Variants in MACROD2 observed in about 807,000 individuals in gnomAD.
MACROD2 encodes the protein mono-ADP ribosylhydrolase 2.
MACROD2 carries 36 observed loss-of-function variants against 70.4 expected under a neutral mutation model. The observed-to-expected ratio is 0.51, with a 90% CI of 0.39 to 0.68. The LOEUF is 0.68. MACROD2 is among the 30% of genes least tolerant of loss of function. MACROD2 has a pLI of 0.00. For synonymous variants in MACROD2, 172 were observed against 178.8 expected, an observed-to-expected ratio of 0.96 and a Z score of 0.30; for missense variants, 496 against 538.4, an observed-to-expected ratio of 0.92 and a Z score of 0.78.
chr20:16,013,070 C>T (rs1046669026), intron 15 of MACROD2, among the ~76,000 whole-genome samples: 2 of 152,056 alleles, frequency 1.3e-5, no homozygotes, highest in Non-Finnish European at 2.9e-5. Context: ...GTCCCAGCTA[C>T]TTGGGAGGCT....
At chr20:15,170,054 C>T (rs1299746282) in intron 5 of MACROD2, among the ~76,000 whole-genome samples, 1 of 152,160 alleles carries the variant, frequency 6.6e-6, no homozygotes, top group Non-Finnish European at 1.5e-5. Flanking sequence ...CCTTACAAGC[C>T]AGATGGTAAT....
intron 4 of MACROD2, among the ~76,000 whole-genome samples, chr20:14,583,410 A>G (rs560714838): frequency 3.9e-5 from 6 of 152,170 alleles, no homozygotes; most frequent in Non-Finnish European, 7.4e-5. Context: ...TTTTCTCAGC[A>G]GGTCCCAATG....
At chr20:15,799,530 G>A (rs924276620) in intron 8 of MACROD2, among the ~76,000 whole-genome samples, 6 of 152,092 alleles carry the variant, frequency 3.9e-5, no homozygotes, top group African/African-American at 1.4e-4. Flanking sequence ...ACATATGAGT[G>A]AAAACACACA....
At chr20:15,945,011 T>C (rs1400065422) in intron 12 of MACROD2, among the ~76,000 whole-genome samples, 1 of 152,138 alleles carries the variant, frequency 6.6e-6, no homozygotes, top group East Asian at 1.9e-4. Context: ...TCCAACTACT[T>C]GGGCCCAGAT....
At chr20:15,308,262 T>C (rs2077717099) in intron 6 of MACROD2, among the ~76,000 whole-genome samples, 1 of 152,216 alleles carries the variant, frequency 6.6e-6, no homozygotes, top group South Asian at 2.1e-4. Flanking sequence ...GATTCTTATG[T>C]GAAACATTAT....
At chr20:15,197,513 C>T (rs2076616282) in intron 5 of MACROD2, among the ~76,000 whole-genome samples, 1 of 152,118 alleles carries the variant, frequency 6.6e-6, no homozygotes, top group African/African-American at 2.4e-5. Flanking sequence ...TTTAGGGGAA[C>T]AGGAATAAGA....
At chr20:14,151,712 C>A (rs1182092187) in intron 3 of MACROD2, among the ~76,000 whole-genome samples, 1 of 151,532 alleles carries the variant, frequency 6.6e-6, no homozygotes, top group Non-Finnish European at 1.5e-5. Flanking sequence ...AGTATTGTCT[C>A]CAAAGCTGAT....
chr20:15,053,149 G>A (rs773838581), intron 5 of MACROD2, among the ~76,000 whole-genome samples: 27 of 152,194 alleles, frequency 1.8e-4, no homozygotes, highest in Non-Finnish European at 3.4e-4. Context: ...ACATAAAAGC[G>A]CAGGTAAAGC....
At chr20:15,715,460 C>T (rs1054633775) in intron 8 of MACROD2, among the ~76,000 whole-genome samples, 7 of 152,088 alleles carry the variant, frequency 4.6e-5, no homozygotes, top group Non-Finnish European at 2.9e-5. Context: ...TTAAAATGCA[C>T]ATCATTTTAT....
intron 15 of MACROD2, among the ~76,000 whole-genome samples, chr20:16,030,010 A>C (rs942509776): frequency 1.3e-5 from 2 of 152,172 alleles, no homozygotes; most frequent in Admixed American, 1.3e-4. Context: ...TCGCTCTCTG[A>C]CAAGGCTGCA....
At chr20:15,210,477 A>G (rs2076752386) in intron 5 of MACROD2, among the ~76,000 whole-genome samples, 1 of 151,458 alleles carries the variant, frequency 6.6e-6, no homozygotes, top group Admixed American at 6.6e-5. Context: ...TCAAGCAGCC[A>G]TCCACCATCT....
chr20:14,628,860 A>C (rs1447879037), intron 4 of MACROD2: 1 of 152,190 alleles, frequency 6.6e-6, no homozygotes, highest in Non-Finnish European at 1.5e-5. Flanking sequence ...GATACTATTT[A>C]GTGTGGTCTC....
chr20:14,914,531 G>T (rs1014440429), intron 5 of MACROD2, among the ~76,000 whole-genome samples: 2 of 152,124 alleles, frequency 1.3e-5, no homozygotes, highest in Admixed American at 6.5e-5. Flanking sequence ...GGAAGACTTT[G>T]CCTTGACAAA....
At chr20:14,674,808 A>C (rs1225802324) in intron 4 of MACROD2, among the ~76,000 whole-genome samples, 1 of 152,248 alleles carries the variant, frequency 6.6e-6, no homozygotes, top group East Asian at 1.9e-4. Context: ...ATTTTTAAAG[A>C]ACCCTGTTGT....
chr20:13,996,774 T>G (rs555480897), intron 1 of MACROD2, among the ~76,000 whole-genome samples: 1 of 152,312 alleles, frequency 6.6e-6, no homozygotes, highest in African/African-American at 2.4e-5. Context: ...TTTACAGAAA[T>G]GTAGCAAAAA....
At chr20:15,048,988 A>G (rs910543331) in intron 5 of MACROD2, among the ~76,000 whole-genome samples, 15 of 152,114 alleles carry the variant, frequency 9.9e-5, no homozygotes, top group African/African-American at 2.7e-4. Context: ...ACAGTGCATT[A>G]TATACTTTTT....
chr20:14,523,544 C>G (rs926553919), intron 4 of MACROD2: 1 of 152,192 alleles, frequency 6.6e-6, no homozygotes, highest in African/African-American at 2.4e-5. Flanking sequence ...ATTTTCTCAT[C>G]TTTTCTTCAC....
intron 4 of MACROD2, among the ~76,000 whole-genome samples, chr20:14,681,160 A>C (rs2070927498): frequency 6.6e-6 from 1 of 152,212 alleles, no homozygotes; most frequent in African/African-American, 2.4e-5. Context: ...GAACTCTCTT[A>C]CATTGCTGGG....
At chr20:15,998,416 T>C (rs1416636398) in intron 15 of MACROD2, among the ~76,000 whole-genome samples, 1 of 152,216 alleles carries the variant, frequency 6.6e-6, no homozygotes, top group Non-Finnish European at 1.5e-5. Context: ...TTAGATTGTA[T>C]GCTTCTAGCA....
Sources: gnomAD v4.1 joint callset for allele counts (sites outside exome capture counted in the v4.1 genomes callset) on GRCh38, gnomAD v4.1.1 for gene constraint, MANE v1.5 for transcripts, NCBI Gene and HGNC (gene_info 2026-07-23, HGNC 2026-07-21) for gene names.